Variants in RPS6KA2 observed in about 807,000 individuals in gnomAD.
RPS6KA2 encodes the protein ribosomal protein S6 kinase alpha-2.
A neutral mutation model predicts 91.8 loss-of-function variants in RPS6KA2; 42 were observed. That is an observed-to-expected ratio of 0.46 (90% CI 0.36 to 0.59). The LOEUF (loss-of-function observed/expected upper bound fraction) is 0.59. RPS6KA2 is among the 20% of genes least tolerant of loss of function. The probability of loss-of-function intolerance (pLI) is 0.00; values close to 1 mark genes in which losing one functional copy is unlikely to be tolerated. For synonymous variants in RPS6KA2, 414 were observed against 393.6 expected (o/e 1.05, Z -0.61); for missense variants, 798 against 978.5 (o/e 0.82, Z 2.46).
chr6:166,416,713 G>A (rs998319251), intron 19 of RPS6KA2, among the ~76,000 whole-genome samples: 2 of 140,434 alleles, frequency 1.4e-5, no homozygotes, highest in African/African-American at 5.4e-5. Context: ...CTCCACAATC[G>A]TCACCTCCAC....
chr6:166,665,339 C>G lies in RPS6KA2; in HGVS notation c.124-126555G>C, dbSNP rs1788284008. The stretch of plus-strand genomic sequence containing the variant: ...GTTAAGAATACTAATGAAGGATGAA[C>G]TGAGTCTCTCTGCAGCTGCCTCTGG... On this transcript the variant is annotated intron_variant, in intron 2 of 21. Coordinates refer to the RPS6KA2 transcript ENST00000503859. The surrounding 1 kb of genome is among the most constrained non-coding windows in gnomAD (Gnocchi z 4.5). 1.3e-5 allele frequency among the ~76,000 whole-genome samples: 2 copies of G among 152,178 alleles called. No homozygotes were observed. The highest frequency in any genetic ancestry group is 2.4e-5 in the African/African-American group (1 of 41,452).
In RPS6KA2 at chr6:166,480,520, AT is replaced by A. The variant is rs141424301; in HGVS notation, c.907+8312del. On this transcript the variant is annotated intron_variant, in intron 10 of 20. Coordinates refer to ENST00000265678, the MANE Select transcript of RPS6KA2 (RefSeq NM_021135.6). ...ATATATATATATATATATATAATATATTTTTTTTTTTTGAGAGAGAGTTTTG... is the reference window on the plus strand; with the variant it reads ...ATATATATATATATATATATAATATATTTTTTTTTTTGAGAGAGAGTTTTG... 1.4e-3 allele frequency among the ~76,000 whole-genome samples: 138 copies of A among 97,428 alleles called. 2 individuals are homozygous for A. The highest frequency in any genetic ancestry group is 4.3e-3 in the South Asian group (14 of 3,224). 63.9% of individuals were successfully genotyped at this position (97,428 alleles called of 152,430 possible). A position where few individuals can be genotyped will look rare whatever the true frequency, so the allele number is the denominator to read the frequency against.
rs1268649277 is a variant in RPS6KA2, at chr6:166,445,881, G to A, written c.1332+2843C>T. Among the ~76,000 whole-genome samples the A allele has an allele frequency of 1.3e-5, 2 of 152,188 alleles. No homozygotes were observed. Among genetic ancestry groups the A allele is most frequent in the Non-Finnish European group, 2.9e-5 (2 of 68,044 alleles). ...CTCGGCTGGACATCTGCTGAGCTGAGATCCAACTCACACATCAGATAATCA... is the reference window on the plus strand; with the variant it reads ...CTCGGCTGGACATCTGCTGAGCTGAAATCCAACTCACACATCAGATAATCA... On this transcript the variant is annotated intron_variant, in intron 14 of 20. Coordinates refer to ENST00000265678, the MANE Select transcript of RPS6KA2 (RefSeq NM_021135.6). This position sits in a 1 kb window ranked among gnomAD's most constrained non-coding sequence, Gnocchi z 4.5.
At position 166,411,083 on chromosome 6, in the gene RPS6KA2, T is replaced by A. The variant is rs1778283101; in HGVS notation, c.*1679A>T. ...GGTATTCAGTCCGACTTGCTCCTTT[T>A]ATGTTTTGTGGTTCTCTAAGAAAAA... On this transcript the variant is annotated 3_prime_UTR_variant, in exon 21 of 21. Coordinates refer to ENST00000265678, the MANE Select transcript of RPS6KA2 (RefSeq NM_021135.6). The surrounding 1 kb of genome is among the most constrained non-coding windows in gnomAD (Gnocchi z 4.5). 7.7e-6 allele frequency: 1 copy of A among 129,758 alleles called. No individual in the cohort carries two copies. The highest frequency in any genetic ancestry group is 8.6e-5 in the Admixed American group (1 of 11,646). 8.0% of individuals were successfully genotyped at this position (129,758 alleles called of 1,614,324 possible).
chr6:166,689,467 ATAAG>A (rs1367212564), intron 2 of RPS6KA2, among the ~76,000 whole-genome samples: 1 of 152,232 alleles, frequency 6.6e-6, no homozygotes, highest in Non-Finnish European at 1.5e-5. Context: ...GAATGAAAAA[ATAAG>A]TAAGGATCCC....
At chr6:166,631,297 C>G (rs1182166662), upstream of RPS6KA2, among the ~76,000 whole-genome samples, 1 of 152,174 alleles carries the variant, frequency 6.6e-6, no homozygotes, top group Non-Finnish European at 1.5e-5. Flanking sequence ...CAGGTGGAAA[C>G]CCACAGGCCA....
intron 2 of RPS6KA2, among the ~76,000 whole-genome samples, chr6:166,694,351 A>G (rs1037746750): frequency 2.6e-5 from 4 of 152,196 alleles, no homozygotes; most frequent in African/African-American, 9.7e-5. Flanking sequence ...AACATCCCAT[A>G]TTGTTTAGAA....
intron 1 of RPS6KA2, among the ~76,000 whole-genome samples, chr6:166,588,665 A>G (rs1439572954): frequency 6.6e-6 from 1 of 152,178 alleles, no homozygotes; most frequent in Non-Finnish European, 1.5e-5. Flanking sequence ...GTGGAACTAG[A>G]TCGTCTGATC....
chr6:166,703,711 G>A (rs756103168), intron 2 of RPS6KA2, among the ~76,000 whole-genome samples: 9 of 152,160 alleles, frequency 5.9e-5, no homozygotes, highest in African/African-American at 1.2e-4. Flanking sequence ...GCGAAATCAC[G>A]GAAGCAGGAT....
intron 1 of RPS6KA2, among the ~76,000 whole-genome samples, chr6:166,567,319 C>T (rs1025115876): frequency 4.6e-5 from 7 of 152,178 alleles, no homozygotes; most frequent in African/African-American, 1.7e-4. Context: ...CATACTTCGA[C>T]TCAACCTTGT....
In RPS6KA2 at chr6:166,546,308, T is replaced by C. The variant is rs139158043; in HGVS notation, c.100-7524A>G. Among the ~76,000 whole-genome samples the C allele has an allele frequency of 3.0e-3, 459 of 152,212 alleles. 2 individuals are homozygous for C. The highest frequency in any genetic ancestry group is 5.1e-3 in the Non-Finnish European group (348 of 68,012). ...GTGGAACAGCTTTAGATGGGACCAT[T>C]TCCGGTCTGGGCAGTGGGATGAGTG... is the stretch of plus-strand genomic sequence containing the variant. On this transcript the variant is annotated intron_variant, in intron 1 of 20. Coordinates refer to ENST00000265678, the MANE Select transcript of RPS6KA2 (RefSeq NM_021135.6).
chr6:166,674,105 T>C (rs139677886), intron 2 of RPS6KA2, among the ~76,000 whole-genome samples: 29 of 152,368 alleles, frequency 1.9e-4, no homozygotes, highest in African/African-American at 7.0e-4. Context: ...GTACTGGTAC[T>C]CTTAGAGCCC....
rs57032504 is a variant in RPS6KA2, at chr6:166,434,112, A to G, written c.1333-1622T>C. Among the ~76,000 whole-genome samples, 7,736 of 152,248 alleles carry G rather than the reference A, an allele frequency of 0.051. 536 individuals are homozygous for G. The highest frequency in any genetic ancestry group is 0.16 in the African/African-American group (6,829 of 41,504). ...TTGGGTAGCATTTGACTCACTGCTC[A>G]TAATCTGTCCCCTGGTCACCCTTCG... On this transcript the variant is annotated intron_variant, in intron 14 of 20. Transcript: ENST00000265678. The surrounding 1 kb of genome is among the most constrained non-coding windows in gnomAD (Gnocchi z 4.4).
At chr6:166,689,399 G>A (rs915915382) in intron 2 of RPS6KA2, among the ~76,000 whole-genome samples, 2 of 152,222 alleles carry the variant, frequency 1.3e-5, no homozygotes, top group African/African-American at 2.4e-5. Flanking sequence ...GCTTCCCAAC[G>A]TGATACAAGG....
At chr6:166,485,703 C>T (rs1781384395) in intron 10 of RPS6KA2, among the ~76,000 whole-genome samples, 1 of 151,982 alleles carries the variant, frequency 6.6e-6, no homozygotes. Context: ...CCCCACCTCC[C>T]CAGACGCACG....
At chr6:166,528,966 G>A (rs1783160757) in intron 3 of RPS6KA2, among the ~76,000 whole-genome samples, 1 of 152,234 alleles carries the variant, frequency 6.6e-6, no homozygotes, top group South Asian at 2.1e-4. Context: ...CTTTTACACT[G>A]TTGGTGGGAC....
chr6:166,615,707 G>A (rs1209367745), intron 1 of RPS6KA2, among the ~76,000 whole-genome samples: 1 of 152,260 alleles, frequency 6.6e-6, no homozygotes, highest in East Asian at 1.9e-4. Flanking sequence ...GATGGTCTCC[G>A]GGACCTCTCT....
At chr6:166,625,138 GACCATCTTA>G (rs1035137435) in intron 1 of RPS6KA2, among the ~76,000 whole-genome samples, 1 of 152,072 alleles carries the variant, frequency 6.6e-6, no homozygotes, top group African/African-American at 2.4e-5. Context: ...GGCCATTATT[GACCATCTTA>G]GTGAGACCTC....
intron 11 of RPS6KA2, among the ~76,000 whole-genome samples, chr6:166,464,171 G>C (rs1178479668): frequency 1.3e-5 from 2 of 152,124 alleles, no homozygotes; most frequent in African/African-American, 4.8e-5. Flanking sequence ...CCACTTGTGG[G>C]CAAGAAGACC....
Sources: allele counts gnomAD v4.1 joint callset (sites outside exome capture counted in the v4.1 genomes callset), GRCh38; gene constraint gnomAD v4.1.1; non-coding constraint Gnocchi (gnomAD v3.1); transcripts MANE v1.5; gene names NCBI Gene and HGNC (gene_info 2026-07-23, HGNC 2026-07-21).